Variants in CPQ observed in about 807,000 individuals in gnomAD.
CPQ encodes carboxypeptidase Q, also known as Ser-Met dipeptidase.
Under a neutral mutation model 45.7 loss-of-function variants are expected in CPQ, and 37 were observed. That is an observed-to-expected ratio of 0.81 (90% CI 0.62 to 1.07). CPQ has a LOEUF of 1.07. Among genes scored for constraint, CPQ ranks in the 50% least tolerant of loss-of-function variants. The probability of loss-of-function intolerance (pLI) is 0.00; values close to 1 mark genes in which losing one functional copy is unlikely to be tolerated. For synonymous variants in CPQ, 186 were observed against 205.8 expected (o/e 0.90, Z 0.82); for missense variants, 537 against 572.9 (o/e 0.94, Z 0.64).
intron 3 of CPQ, among the ~76,000 whole-genome samples, chr8:96,871,519 C>T: frequency 7.3e-6 from 1 of 137,192 alleles, no homozygotes; most frequent in African/African-American, 2.7e-5. Context: ...TAGCTTCAGG[C>T]TTTGCTTCCA....
chr8:96,781,363 CT>C (rs1810683049), intron 1 of CPQ, among the ~76,000 whole-genome samples: 1 of 152,048 alleles, frequency 6.6e-6, no homozygotes. Context: ...TGCATCAAAA[CT>C]TTGCAAAAGG....
chr8:97,097,693 G>A (rs1338456762), intron 7 of CPQ, among the ~76,000 whole-genome samples: 5 of 152,146 alleles, frequency 3.3e-5, no homozygotes, highest in Middle Eastern at 3.2e-3. Context: ...AATATTGTGC[G>A]CCATGCAGGT....
chr8:96,880,398 G>T (rs957375868), intron 4 of CPQ, among the ~76,000 whole-genome samples: 1 of 151,458 alleles, frequency 6.6e-6, no homozygotes, highest in Admixed American at 6.6e-5. Context: ...AAAGTAAATT[G>T]TTCTACTAAA....
chr8:96,938,778 G>C (rs1813086984), intron 4 of CPQ, among the ~76,000 whole-genome samples: 1 of 152,196 alleles, frequency 6.6e-6, no homozygotes, highest in Admixed American at 6.5e-5. Context: ...CTTAGCCAGA[G>C]AGCTGAGTGG....
At chr8:97,082,308 T>G (rs1396973242) in intron 7 of CPQ, among the ~76,000 whole-genome samples, 3 of 152,152 alleles carry the variant, frequency 2.0e-5, no homozygotes, top group Non-Finnish European at 4.4e-5. Context: ...CTTTTCAGCC[T>G]CTTTAGCACA....
chr8:96,967,485 G>A (rs1376375942), intron 5 of CPQ, among the ~76,000 whole-genome samples: 1 of 151,942 alleles, frequency 6.6e-6, no homozygotes, highest in Non-Finnish European at 1.5e-5. Context: ...TTACTTCTTC[G>A]GTATTCAGCA....
intron 4 of CPQ, among the ~76,000 whole-genome samples, chr8:96,894,436 G>A (rs769770434): frequency 6.6e-6 from 1 of 152,160 alleles, no homozygotes; most frequent in African/African-American, 2.4e-5. Context: ...GAACTTATAG[G>A]TGGACAAGGA....
Position 96,721,404 on chromosome 8 carries a change from C to T in CPQ, c.-34-63460C>T, listed in dbSNP as rs1809762330. Reference sequence around the variant, plus strand: ...TGCCTGAAAATAGTTGCCTGTTTTGCCCAGTTTTATGGTTCTGTGGTCATT... The same window carrying T: ...TGCCTGAAAATAGTTGCCTGTTTTGTCCAGTTTTATGGTTCTGTGGTCATT... On this transcript the variant is annotated intron_variant, in intron 1 of 7. Transcript: ENST00000220763. 2.0e-5 allele frequency among the ~76,000 whole-genome samples: 3 copies of T among 151,964 alleles called. No individual in the cohort carries two copies. The South Asian group carries it at 6.2e-4, about 32-fold the overall frequency.
chr8:96,795,916 C>A (rs1274222006), intron 2 of CPQ, among the ~76,000 whole-genome samples: 4 of 151,892 alleles, frequency 2.6e-5, no homozygotes, highest in South Asian at 4.1e-4. Context: ...CAATAAAGTT[C>A]TTAGAAGCTG....
At chr8:96,879,757 A>C (rs112793990) in intron 3 of CPQ, 41 bp from the exon 4 acceptor site, 1 of 1,529,816 alleles carries the variant, frequency 6.5e-7, no homozygotes, top group Non-Finnish European at 9.1e-7. Flanking sequence ...CTTTTGGTCT[A>C]TTTCCACTTT....
intron 1 of CPQ, among the ~76,000 whole-genome samples, chr8:96,651,745 T>G (rs1434465821): frequency 2.0e-5 from 3 of 152,114 alleles, no homozygotes; most frequent in Admixed American, 6.5e-5. Context: ...TGAATATATA[T>G]GTACATGATA....
chr8:96,716,566 G>A (rs1324293516), intron 1 of CPQ, among the ~76,000 whole-genome samples: 3 of 152,242 alleles, frequency 2.0e-5, no homozygotes, highest in South Asian at 2.1e-4. Flanking sequence ...ACTTATGAGT[G>A]AGAACGTACG....
At chr8:96,831,661 A>G (rs566469629) in intron 2 of CPQ, among the ~76,000 whole-genome samples, 9 of 152,262 alleles carry the variant, frequency 5.9e-5, no homozygotes, top group Non-Finnish European at 1.3e-4. Context: ...TATTTTGTAC[A>G]CACCCTGCCT....
intron 4 of CPQ, among the ~76,000 whole-genome samples, chr8:96,939,693 G>T (rs1175292495): frequency 6.6e-6 from 1 of 152,040 alleles, no homozygotes; most frequent in Non-Finnish European, 1.5e-5. Context: ...TGAATATGCC[G>T]CAATTCACCT....
At chr8:96,744,185 G>C (rs571400212) in intron 1 of CPQ, among the ~76,000 whole-genome samples, 1 of 126,954 alleles carries the variant, frequency 7.9e-6, no homozygotes, top group Non-Finnish European at 1.8e-5. Flanking sequence ...CTGGTTCGCC[G>C]TTTTTTAAGC....
chr8:96,889,761 C>T (rs1490152459), intron 4 of CPQ, among the ~76,000 whole-genome samples: 3 of 152,156 alleles, frequency 2.0e-5, no homozygotes, highest in Non-Finnish European at 2.9e-5. Context: ...GTCTGATATT[C>T]GAGGGCAGGA....
chr8:96,769,451 A>G (rs1383543542), intron 1 of CPQ, among the ~76,000 whole-genome samples: 1 of 152,078 alleles, frequency 6.6e-6, no homozygotes, highest in Non-Finnish European at 1.5e-5. Flanking sequence ...TGTATGACAG[A>G]ATCACAGATC....
At chr8:96,864,799 T>C (rs1563516061) in intron 3 of CPQ, among the ~76,000 whole-genome samples, 1 of 151,928 alleles carries the variant, frequency 6.6e-6, no homozygotes, top group South Asian at 2.1e-4. Context: ...CAATAGCTAA[T>C]TGGAGGAATA....
chr8:96,854,697 C>G (rs917931970), intron 3 of CPQ, among the ~76,000 whole-genome samples: 2 of 151,958 alleles, frequency 1.3e-5, no homozygotes, highest in Non-Finnish European at 2.9e-5. Flanking sequence ...ATTACAGAGG[C>G]TGACAAGTCC....
Sources: gnomAD v4.1 joint callset for allele counts (sites outside exome capture counted in the v4.1 genomes callset) on GRCh38, gnomAD v4.1.1 for gene constraint, MANE v1.5 for transcripts, NCBI Gene and HGNC (gene_info 2026-07-23, HGNC 2026-07-21) for gene names.